The following SUGCT variants were observed in gnomAD, a reference collection of about 807,000 sequenced individuals.
The protein encoded by SUGCT is succinyl-CoA:glutarate CoA-transferase.
In SUGCT, 41 loss-of-function variants were observed where a neutral mutation model predicts 55.0. The observed-to-expected ratio is 0.74, with a 90% CI of 0.58 to 0.97. The LOEUF (loss-of-function observed/expected upper bound fraction) is 0.97. Among genes scored for constraint, SUGCT ranks in the 50% least tolerant of loss-of-function variants. SUGCT has a pLI of 0.00. For synonymous variants in SUGCT, 187 were observed against 200.4 expected, an observed-to-expected ratio of 0.93 and a Z score of 0.56; for missense variants, 568 against 547.8, an observed-to-expected ratio of 1.04 and a Z score of -0.37.
In SUGCT at chr7:40,303,681, C is replaced by A. The variant is rs1331447329; in HGVS notation, c.721-13079C>A. On this transcript the variant is annotated intron_variant, in intron 8 of 13. Coordinates refer to ENST00000335693, the MANE Select transcript of SUGCT (RefSeq NM_001193313.2). The stretch of plus-strand genomic sequence containing the variant: ...TCTCTTTCACACTGTCCATACCTTA[C>A]AAAGACCTGTGCAAGTTAGCTTATT... Among the ~76,000 whole-genome samples the A allele has an allele frequency of 2.0e-5, 3 of 152,264 alleles. No homozygotes were observed. In the East Asian group the frequency reaches 5.8e-4, roughly 29 times the overall value.
the SUGCT span, among the ~76,000 whole-genome samples, chr7:40,953,511 G>C: frequency 2.0e-5 from 3 of 152,224 alleles, no homozygotes; most frequent in East Asian, 5.8e-4. Context: ...GCGTTCCTTT[G>C]GAGGAGGAGA....
At chr7:40,977,500 T>C in the SUGCT span, among the ~76,000 whole-genome samples, 1 of 152,210 alleles carries the variant, frequency 6.6e-6, no homozygotes, top group African/African-American at 2.4e-5. Context: ...CCTATTTGTA[T>C]GCTATAGGAA....
At chr7:40,286,481 A>G (rs1445293336) in intron 8 of SUGCT, among the ~76,000 whole-genome samples, 1 of 152,118 alleles carries the variant, frequency 6.6e-6, no homozygotes, top group African/African-American at 2.4e-5. Flanking sequence ...TCCCCTTACC[A>G]TGTAAGGTGG....
At chr7:40,747,881 C>T (rs1435751329) in intron 12 of SUGCT, among the ~76,000 whole-genome samples, 1 of 152,078 alleles carries the variant, frequency 6.6e-6, no homozygotes. Context: ...GAATTTGGTT[C>T]CATGCCCTCA....
the SUGCT span, among the ~76,000 whole-genome samples, chr7:40,898,013 G>C: frequency 0.086 from 13,096 of 152,166 alleles, 651 homozygotes; most frequent in South Asian, 0.15. Flanking sequence ...CTTCCGGTGT[G>C]AAAGGTGTGT....
intron 12 of SUGCT, among the ~76,000 whole-genome samples, chr7:40,646,598 G>A (rs931886330): frequency 1.3e-5 from 2 of 152,094 alleles, no homozygotes; most frequent in Non-Finnish European, 2.9e-5. Flanking sequence ...CCTTCACGCA[G>A]CAGAATTTAT....
the SUGCT span, among the ~76,000 whole-genome samples, chr7:40,920,513 A>G: frequency 1.3e-5 from 2 of 152,204 alleles, no homozygotes; most frequent in Non-Finnish European, 2.9e-5. Context: ...AACTCAGCCC[A>G]TTTGGAAGCG....
At chr7:40,575,125 T>G (rs7804324) in intron 12 of SUGCT, among the ~76,000 whole-genome samples, 30,579 of 135,414 alleles carry the variant, frequency 0.23, 4,322 homozygotes, top group African/African-American at 0.46. Context: ...GTGGCGGGGG[T>G]GGGGGTGGAG....
chr7:40,157,041 C>T (rs1297444467), intron 1 of SUGCT, among the ~76,000 whole-genome samples: 1 of 148,372 alleles, frequency 6.7e-6, no homozygotes, highest in Non-Finnish European at 1.5e-5. Context: ...TAAATATTTT[C>T]ATGTTTCTGC....
intron 12 of SUGCT, among the ~76,000 whole-genome samples, chr7:40,664,946 C>T (rs1801532863): frequency 6.8e-6 from 1 of 147,516 alleles, no homozygotes; most frequent in Non-Finnish European, 1.5e-5. Flanking sequence ...CGCCACTGCA[C>T]TCCAGCCTGG....
chr7:40,488,779 T>C (rs1791524357), intron 11 of SUGCT, among the ~76,000 whole-genome samples: 1 of 152,192 alleles, frequency 6.6e-6, no homozygotes, highest in Admixed American at 6.5e-5. Context: ...GTGTTAAATA[T>C]ATCATCTCAC....
chr7:40,291,302 A>G (rs570833548), intron 8 of SUGCT, among the ~76,000 whole-genome samples: 60 of 151,896 alleles, frequency 4.0e-4, no homozygotes, highest in African/African-American at 1.4e-3. Context: ...TGGCACATAT[A>G]CACCATGGAA....
At position 40,147,050 on chromosome 7, in the gene SUGCT, CT is replaced by C. The variant is rs779728048; in HGVS notation, c.100+11933del. Among the ~76,000 whole-genome samples, 914 of 98,530 alleles carry C rather than the reference CT, an allele frequency of 9.3e-3. 3 individuals carry two copies. The highest frequency in any genetic ancestry group is 0.015 in the South Asian group (45 of 3,020). 64.6% of individuals were successfully genotyped at this position (98,530 alleles called of 152,430 possible). On this transcript the variant is annotated intron_variant, in intron 1 of 13. Coordinates refer to ENST00000335693, the MANE Select transcript of SUGCT (RefSeq NM_001193313.2). ...TTTCTCTCTGCCTCTCTTTCTCTCT[CT>C]TTCTTCTCTCTTTCTCCTCACTCTC...
the SUGCT span, among the ~76,000 whole-genome samples, chr7:40,942,403 G>A: frequency 6.6e-6 from 1 of 152,132 alleles, no homozygotes; most frequent in Admixed American, 6.6e-5. Flanking sequence ...GTCCCTTCTG[G>A]CTTGTATGGT....
intron 13 of SUGCT, among the ~76,000 whole-genome samples, chr7:40,794,517 A>G (rs952985672): frequency 2.0e-5 from 3 of 152,128 alleles, no homozygotes; most frequent in African/African-American, 4.8e-5. Context: ...GGGATCACAA[A>G]TATGACTCCT....
At chr7:40,833,594 T>A (rs190859345) in intron 13 of SUGCT, among the ~76,000 whole-genome samples, 1 of 152,362 alleles carries the variant, frequency 6.6e-6, no homozygotes, top group East Asian at 1.9e-4. Flanking sequence ...TTAAAAATAA[T>A]TAGGTCCTGC....
chr7:40,201,420 A>G (rs1354814926), intron 6 of SUGCT, among the ~76,000 whole-genome samples: 1 of 152,178 alleles, frequency 6.6e-6, no homozygotes, highest in Non-Finnish European at 1.5e-5. Context: ...ATTAAAGGGA[A>G]CCCTCATAGT....
intron 12 of SUGCT, among the ~76,000 whole-genome samples, chr7:40,662,404 C>T (rs1231758040): frequency 1.3e-5 from 2 of 152,220 alleles, no homozygotes; most frequent in African/African-American, 4.8e-5. Flanking sequence ...TGTTATTTCT[C>T]TGCTTAGAAT....
At position 40,643,216 on chromosome 7, in the gene SUGCT, G is replaced by A. The variant is rs142452419; in HGVS notation, c.1090-106218G>A. Among the ~76,000 whole-genome samples, 13 of 152,260 alleles carry A rather than the reference G, an allele frequency of 8.5e-5. No individual in the cohort carries two copies. In the East Asian group the frequency reaches 2.3e-3, roughly 27 times the overall value. ...TGCAAGATAAGAAGAAATTAGACTG[G>A]TATTAATAATATAAGTCCCTTTCAA... On this transcript the variant is annotated intron_variant, in intron 12 of 13. Transcript: ENST00000335693.
Sources: allele counts gnomAD v4.1 joint callset (sites outside exome capture counted in the v4.1 genomes callset), GRCh38; gene constraint gnomAD v4.1.1; transcripts MANE v1.5; gene names NCBI Gene and HGNC (gene_info 2026-07-23, HGNC 2026-07-21).